The following ORC3 variants were observed in gnomAD, a reference collection of about 807,000 sequenced individuals.
The protein encoded by ORC3 is origin recognition complex subunit 3.
A neutral mutation model predicts 100.7 loss-of-function variants in ORC3; 78 were observed. That is an observed-to-expected ratio of 0.77 (90% CI 0.65 to 0.94). The LOEUF is 0.94. Ranked by LOEUF, ORC3 falls within the 40% of genes least tolerant of loss-of-function variation. The pLI is 0.00. For missense variants in ORC3, 789 were observed against 823.9 expected, an observed-to-expected ratio of 0.96 and a Z score of 0.52; for synonymous variants, 295 against 289.3, an observed-to-expected ratio of 1.02 and a Z score of -0.20.
intron 5 of ORC3, among the ~76,000 whole-genome samples, chr6:87,607,272 A>C (rs924773823): frequency 6.6e-6 from 1 of 152,066 alleles, no homozygotes; most frequent in Non-Finnish European, 1.5e-5. Context: ...CTACTAAAAA[A>C]TACAAAAATT....
intron 5 of ORC3, among the ~76,000 whole-genome samples, chr6:87,607,369 T>TCCCG (rs922589836): frequency 4.0e-5 from 6 of 151,758 alleles, no homozygotes; most frequent in African/African-American, 1.5e-4. Flanking sequence ...AGGCAGAGGT[T>TCCCG]GTATTGAGCC....
chr6:87,608,530 T>G (rs28381484), intron 6 of ORC3, among the ~76,000 whole-genome samples: 11,383 of 152,242 alleles, frequency 0.075, 441 homozygotes, highest in East Asian at 0.095. Context: ...CATTTTGCTT[T>G]ATATAGGGAC....
intron 2 of ORC3, among the ~76,000 whole-genome samples, chr6:87,598,787 C>G (rs1301507353): frequency 6.6e-6 from 1 of 151,982 alleles, no homozygotes; most frequent in Non-Finnish European, 1.5e-5. Flanking sequence ...CAGACTTTAA[C>G]ATTTGCCTTC....
intron 13 of ORC3, chr6:87,651,413 C>A: frequency 2.6e-6 from 1 of 383,622 alleles, no homozygotes. Flanking sequence ...ACAGATTGTT[C>A]AAGTGTATCT....
intron 13 of ORC3, among the ~76,000 whole-genome samples, chr6:87,649,892 TAC>T (rs1188411789): frequency 6.6e-6 from 1 of 152,192 alleles, no homozygotes; most frequent in East Asian, 1.9e-4. Flanking sequence ...ATATAGGTCA[TAC>T]ACATATATTA....
chr6:87,611,899 G>A (rs1778799539), intron 7 of ORC3, among the ~76,000 whole-genome samples, 190 bp from the exon 8 acceptor site: 1 of 152,186 alleles, frequency 6.6e-6, no homozygotes, highest in Admixed American at 6.5e-5. Flanking sequence ...AGACTGTCTG[G>A]AAAGTAATTA....
Position 87,629,751 on chromosome 6 carries a change from A to G in ORC3, c.1186-5094A>G, listed in dbSNP as rs964484436. Among the ~76,000 whole-genome samples, 8 of 152,058 alleles carry G rather than the reference A, an allele frequency of 5.3e-5. No homozygotes were observed. The South Asian group carries it at 6.2e-4, about 12-fold the overall frequency. ...CACAGTGTCTGTTATTTTACTCTGT[A>G]TATACATGTGTACCTATTATTTAGC... On this transcript the variant is annotated intron_variant, in intron 11 of 19. Transcript: ENST00000392844.
At chr6:87,643,237 G>A (rs910893434) in intron 13 of ORC3, among the ~76,000 whole-genome samples, 1 of 152,146 alleles carries the variant, frequency 6.6e-6, no homozygotes, top group Non-Finnish European at 1.5e-5. Flanking sequence ...TGATCAGGAG[G>A]TCAGAGAATT....
At chr6:87,614,231 C>T (rs188876444) in intron 8 of ORC3, among the ~76,000 whole-genome samples, 16 of 152,298 alleles carry the variant, frequency 1.1e-4, no homozygotes, top group African/African-American at 3.6e-4. Context: ...TCTCTGAAGC[C>T]GTGGCCCGAA....
At position 87,664,877 on chromosome 6, in the gene ORC3, G is replaced by T; in HGVS notation, c.1950+18G>T. 1 of 1,428,650 alleles carries T rather than the reference G, an allele frequency of 7.0e-7. No individual in the cohort carries two copies. The highest frequency in any genetic ancestry group is 1.2e-5 in the South Asian group (1 of 83,406). 88.5% of individuals were successfully genotyped at this position (1,428,650 alleles called of 1,614,324 possible). On this transcript the variant is annotated intron_variant, in intron 18 of 19. Coordinates refer to ENST00000392844, the MANE Select transcript of ORC3 (RefSeq NM_012381.4). ...GGTCAGAGGTAGGTTGTAGGGAAAAGAACAAGCTAGATATTTTTCTAACCA... is the reference window on the plus strand; with the variant it reads ...GGTCAGAGGTAGGTTGTAGGGAAAATAACAAGCTAGATATTTTTCTAACCA...
chr6:87,615,849 A>C (rs1444291937), intron 8 of ORC3, among the ~76,000 whole-genome samples: 1 of 152,236 alleles, frequency 6.6e-6, no homozygotes, highest in Non-Finnish European at 1.5e-5. Flanking sequence ...AAATTCAGCT[A>C]TTCTATACTT....
In ORC3 at chr6:87,621,476, A is replaced by G. The variant is rs753918437; in HGVS notation, c.1110A>G (p.Pro370=). ...NNQCENIRRL[P]SFRRYVEKQA... ...AATGTGAAAACATCCGACGTCTACCATCTTTTAGGAGGTAAAAAGAGAAGT... is the reference window on the plus strand; with the variant it reads ...AATGTGAAAACATCCGACGTCTACCGTCTTTTAGGAGGTAAAAAGAGAAGT... Residue 370 remains proline (P), a synonymous_variant, in exon 10 of 20, where the codon CCA becomes CCG. Coordinates refer to ENST00000392844, the MANE Select transcript of ORC3 (RefSeq NM_012381.4). The G allele has an allele frequency of 5.0e-6, 8 of 1,586,338 alleles. No individual in the cohort carries two copies. The highest frequency in any genetic ancestry group is 3.5e-5 in the South Asian group (3 of 86,374).
chr6:87,624,562 C>T (rs943048075), intron 11 of ORC3, among the ~76,000 whole-genome samples: 2 of 152,084 alleles, frequency 1.3e-5, no homozygotes, highest in African/African-American at 4.8e-5. Flanking sequence ...TAATGCTTCT[C>T]TTTTTATGGT....
At chr6:87,658,259 C>T (rs1041704393) in intron 16 of ORC3, among the ~76,000 whole-genome samples, 36 of 152,068 alleles carry the variant, frequency 2.4e-4, no homozygotes, top group Admixed American at 2.1e-3. Flanking sequence ...AGATCGAGAC[C>T]ATCCTGGCTA....
rs767939097 is a variant in ORC3 at position 87,605,950 on chromosome 6, G to A, written c.356G>A (p.Gly119Glu). The change falls in exon 5 of 20, where the codon GGA becomes GAA. Residue 119 changes from glycine to glutamate, a missense_variant. Around this residue, in one of 3 missense-constraint regions of ORC3, gnomAD observed 399 missense variants for 382.0 expected, o/e 1.04. Coordinates refer to ENST00000392844, the MANE Select transcript of ORC3 (RefSeq NM_012381.4). ...GTCACAGATCATGATTTGACATTCG[G>A]AAGTCTAACAGAGGCCCTTCAGAAT... is the stretch of plus-strand genomic sequence containing the variant. ...VNVTDHDLTF[G>E]SLTEALQNNV... is the part of the protein sequence containing the mutation. 6 of 1,607,064 alleles carry A rather than the reference G, an allele frequency of 3.7e-6. No homozygotes were observed. Among genetic ancestry groups the A allele is most frequent in the African/African-American group, 1.3e-5 (1 of 74,740 alleles).
intron 14 of ORC3, among the ~76,000 whole-genome samples, chr6:87,655,726 T>C (rs1448769555): frequency 6.6e-6 from 1 of 151,846 alleles, no homozygotes; most frequent in Non-Finnish European, 1.5e-5. Flanking sequence ...GGTCTCGAAC[T>C]CCTTGTCTCA....
intron 14 of ORC3, among the ~76,000 whole-genome samples, chr6:87,655,983 A>G (rs1769654188): frequency 6.6e-6 from 1 of 152,206 alleles, no homozygotes; most frequent in Non-Finnish European, 1.5e-5. Context: ...CTCCAGCTGC[A>G]TCCTCCTGTC....
chr6:87,608,172 A>G (rs889961318), intron 6 of ORC3, among the ~76,000 whole-genome samples: 1 of 152,154 alleles, frequency 6.6e-6, no homozygotes, highest in Non-Finnish European at 1.5e-5. Flanking sequence ...TATGTTCCTC[A>G]ATGTTTGCTT....
chr6:87,603,631 AT>A, intron 4 of ORC3, 103 bp downstream of exon 4: 1 of 590,626 alleles, frequency 1.7e-6, no homozygotes, highest in Non-Finnish European at 2.8e-6. Context: ...TGATGAGCCT[AT>A]TTTGTCTCTC....
Sources: allele counts gnomAD v4.1 joint callset (sites outside exome capture counted in the v4.1 genomes callset), GRCh38; gene constraint gnomAD v4.1.1; regional missense constraint gnomAD v4.1.1; transcripts MANE v1.5; gene names NCBI Gene and HGNC (gene_info 2026-07-23, HGNC 2026-07-21).